RASGRP1: variants seen among roughly 807,000 people sequenced by gnomAD.
RASGRP1 encodes the protein RAS guanyl-releasing protein 1.
RASGRP1 carries 37 observed loss-of-function variants against 95.1 expected under a neutral mutation model. The ratio of observed to expected loss-of-function variants is 0.39; its 90% CI spans 0.30 to 0.51. RASGRP1 has a LOEUF of 0.51. Among genes scored for constraint, RASGRP1 ranks in the 20% least tolerant of loss-of-function variants. RASGRP1 has a pLI of 0.80. For synonymous variants in RASGRP1, 325 were observed against 353.4 expected (o/e 0.92, Z 0.90); for missense variants, 711 against 965.4 (o/e 0.74, Z 3.49).
At chr15:38,542,950 T>TAC (rs1366087009) in intron 2 of RASGRP1, among the ~76,000 whole-genome samples, 1 of 147,830 alleles carries the variant, frequency 6.8e-6, no homozygotes, top group African/African-American at 2.5e-5. Flanking sequence ...TATATATATA[T>TAC]ACACACATAC....
chr15:38,552,066 G>C (rs952678615), intron 2 of RASGRP1, among the ~76,000 whole-genome samples: 4 of 152,206 alleles, frequency 2.6e-5, no homozygotes, highest in Non-Finnish European at 5.9e-5. Context: ...TTAATCTTAA[G>C]AGATATTTTA....
In RASGRP1 at chr15:38,512,930, T is replaced by A; in HGVS notation, c.702A>T (p.Val234=). Residue 234 remains valine (V), a synonymous_variant, in exon 7 of 17, where the codon GTA becomes GTT. Transcript: ENST00000310803. ...ISFSDYQNYL[V]NSCVKENPTM... is the part of the protein sequence containing the mutation. Reference sequence around the variant, plus strand: ...TGGGGTTTTCCTTCACACAGCTATTTACAAGGTAATTCTGATAATCAGAGA... The same window carrying A: ...TGGGGTTTTCCTTCACACAGCTATTAACAAGGTAATTCTGATAATCAGAGA... The A allele has an allele frequency of 6.3e-7, 1 of 1,578,084 alleles. No individual in the cohort carries two copies. The highest frequency in any genetic ancestry group is 8.6e-7 in the Non-Finnish European group (1 of 1,165,218).
At chr15:38,550,270 G>GA (rs911253371) in intron 2 of RASGRP1, among the ~76,000 whole-genome samples, 1 of 142,996 alleles carries the variant, frequency 7.0e-6, no homozygotes, top group South Asian at 2.3e-4. Context: ...GAAAAGAAAA[G>GA]AAAAAAAAGT....
At chr15:38,525,564 T>A (rs538191199) in intron 3 of RASGRP1, among the ~76,000 whole-genome samples, 4 of 152,186 alleles carry the variant, frequency 2.6e-5, no homozygotes, top group African/African-American at 7.2e-5. Context: ...GTCCTGATGG[T>A]TTTTATTTTT....
chr15:38,502,371 T>C lies in RASGRP1; in HGVS notation c.1479A>G (p.Glu493=), dbSNP rs12324516. The change falls in exon 12 of 17, where the codon GAA becomes GAG. Residue 493 remains glutamate, a synonymous_variant. Coordinates refer to ENST00000310803, the MANE Select transcript of RASGRP1 (RefSeq NM_005739.4). The part of the protein sequence containing the change: ...DHDQDGYISQ[E]EFEKIAASFP... ...AACTCGCAGCAATCTTTTCAAATTC[T>C]TCCTGAGAAATGTATCCATCCTGGT... 1.4e-3 allele frequency: 2,320 copies of C among 1,607,672 alleles called. 35 individuals are homozygous for C. In the African/African-American group the frequency reaches 0.029, roughly 20 times the overall value.
rs767627019 is a variant in RASGRP1, at chr15:38,559,899, G to A, written c.142C>T (p.Arg48Ter). Residue 48 changes from arginine (R) to a stop codon, truncating the protein, a stop_gained, in exon 2 of 17, where the codon CGA becomes TGA. Coordinates refer to ENST00000310803, the MANE Select transcript of RASGRP1 (RefSeq NM_005739.4). LOFTEE classifies it high-confidence loss of function. ...HPSLAHITQF[R>*]MMVSLGHLAK... ...AAATGTCCCAGAGACACCATCATTC[G>A]GAACTGGGTGATGTGGGCCAAGCTG... The A allele has an allele frequency of 2.5e-6, 4 of 1,613,734 alleles. No individual in the cohort carries two copies. The highest frequency in any genetic ancestry group is 1.1e-5 in the South Asian group (1 of 91,054).
At chr15:38,511,484 G>T in intron 8 of RASGRP1, 120 bp downstream of exon 8, 1 of 720,768 alleles carries the variant, frequency 1.4e-6, no homozygotes. Flanking sequence ...CTGCCACTTA[G>T]CCTGGTTGAC....
intron 3 of RASGRP1, among the ~76,000 whole-genome samples, chr15:38,522,196 A>G (rs559835535): frequency 6.6e-6 from 1 of 152,322 alleles, no homozygotes; most frequent in African/African-American, 2.4e-5. Context: ...ACACACAAAT[A>G]GGTAAGTTAC....
Position 38,564,659 on chromosome 15 carries a change from A to G in RASGRP1, c.-31T>C. The G allele has an allele frequency of 1.6e-6, 2 of 1,266,934 alleles. No individual in the cohort carries two copies. The highest frequency in any genetic ancestry group is 2.0e-6 in the Non-Finnish European group (2 of 1,005,736). The allele number at this position is 1,266,934 out of a possible 1,614,324, so 78.5% of individuals were successfully genotyped here. On this transcript the variant is annotated 5_prime_UTR_variant, in exon 1 of 17. Coordinates refer to ENST00000310803, the MANE Select transcript of RASGRP1 (RefSeq NM_005739.4). ...CGGCCCGCGCTCCCGGTGCCGGCTC[A>G]CCTAGCGCGGCCGGGCGCGGCGCAT...
chr15:38,505,579 T>A (rs1216689526), intron 10 of RASGRP1, among the ~76,000 whole-genome samples: 1 of 152,070 alleles, frequency 6.6e-6, no homozygotes, highest in African/African-American at 2.4e-5. Context: ...TCTGATGATA[T>A]AGTTATTTAC....
intron 2 of RASGRP1, among the ~76,000 whole-genome samples, chr15:38,544,204 T>C (rs2141172819): frequency 6.6e-6 from 1 of 152,266 alleles, no homozygotes; most frequent in South Asian, 2.1e-4. Context: ...TTTTGGCTGG[T>C]TGGAACTGCG....
At position 38,490,115 on chromosome 15, in the gene RASGRP1, T is replaced by C. The variant is rs539934242; in HGVS notation, c.*439A>G. On this transcript the variant is annotated 3_prime_UTR_variant, in exon 17 of 17. Transcript: ENST00000310803. ...GCTGGGATACAGAGGAAATCTACTT[T>C]TGGAATATGGGTAGTTTTCTATTAT... The C allele has an allele frequency of 6.5e-6, 1 of 153,198 alleles. No individual in the cohort carries two copies. Among genetic ancestry groups the C allele is most frequent in the African/African-American group, 2.4e-5 (1 of 41,450 alleles). The allele number at this position is 153,198 out of a possible 1,614,324, so 9.5% of individuals were successfully genotyped here.
intron 16 of RASGRP1, among the ~76,000 whole-genome samples, chr15:38,491,698 T>A (rs990204685): frequency 6.6e-6 from 1 of 152,228 alleles, no homozygotes; most frequent in African/African-American, 2.4e-5. Context: ...CTAGTCATTG[T>A]AAGGATTATA....
At chr15:38,498,990 C>T (rs775049630) in intron 14 of RASGRP1, 44 bp from the exon 15 acceptor site, 1 of 1,613,250 alleles carries the variant, frequency 6.2e-7, no homozygotes, top group Non-Finnish European at 8.5e-7. Flanking sequence ...TCACTTTTCT[C>T]TCTTCCCCAG....
chr15:38,490,971 T>C (rs1310981085), intron 16 of RASGRP1, among the ~76,000 whole-genome samples: 2 of 152,192 alleles, frequency 1.3e-5, no homozygotes, highest in Non-Finnish European at 2.9e-5. Flanking sequence ...ACAAAACTTT[T>C]GGATGTTTTC....
chr15:38,564,292 A>C (rs28693900), intron 1 of RASGRP1, among the ~76,000 whole-genome samples: 6 of 151,972 alleles, frequency 3.9e-5, no homozygotes, highest in Admixed American at 2.0e-4. Context: ...TGGGGGAGGA[A>C]GTCGGCGGGC....
intron 2 of RASGRP1, among the ~76,000 whole-genome samples, chr15:38,533,639 A>G (rs923177482): frequency 1.3e-5 from 2 of 152,216 alleles, no homozygotes; most frequent in South Asian, 2.1e-4. Flanking sequence ...GAGCCACTTC[A>G]TACATATCAC....
At chr15:38,532,928 C>CTT (rs1892501576) in intron 2 of RASGRP1, among the ~76,000 whole-genome samples, 3 of 152,142 alleles carry the variant, frequency 2.0e-5, no homozygotes, top group African/African-American at 7.2e-5. Context: ...GATGCAGACC[C>CTT]TGCTCCTTGC....
chr15:38,537,777 C>T (rs1344805227), intron 2 of RASGRP1, among the ~76,000 whole-genome samples: 2 of 152,170 alleles, frequency 1.3e-5, no homozygotes, highest in Non-Finnish European at 2.9e-5. Context: ...CCAAGCTTCC[C>T]TTCAATCCTA....
Sources: gnomAD v4.1 joint callset for allele counts (sites outside exome capture counted in the v4.1 genomes callset) on GRCh38, gnomAD v4.1.1 for gene constraint, MANE v1.5 for transcripts, NCBI Gene and HGNC (gene_info 2026-07-23, HGNC 2026-07-21) for gene names.